The following SGCD variants were observed in gnomAD, a reference collection of about 807,000 sequenced individuals.
SGCD encodes sarcoglycan delta.
A neutral mutation model predicts 36.6 loss-of-function variants in SGCD; 18 were observed. That is an observed-to-expected ratio of 0.49 (90% CI 0.34 to 0.73). The LOEUF (loss-of-function observed/expected upper bound fraction) is 0.73. SGCD is among the 30% of genes least tolerant of loss of function. The probability of loss-of-function intolerance (pLI) is 0.01; values close to 1 mark genes in which losing one functional copy is unlikely to be tolerated. For synonymous variants in SGCD, 133 were observed against 130.6 expected (o/e 1.02, Z -0.12); for missense variants, 387 against 346.7 (o/e 1.12, Z -0.92).
intron 1 of SGCD, among the ~76,000 whole-genome samples, chr5:156,090,314 C>T (rs1389428654): frequency 3.3e-5 from 5 of 152,110 alleles, no homozygotes. Flanking sequence ...TTCTATTTTC[C>T]CTAAGTGTCA....
At chr5:156,453,764 G>C (rs1754129885) in intron 3 of SGCD, among the ~76,000 whole-genome samples, 1 of 152,076 alleles carries the variant, frequency 6.6e-6, no homozygotes. Context: ...CAAAAACTCT[G>C]GTACATCCAT....
chr5:156,387,164 A>G (rs1012545030), intron 3 of SGCD, among the ~76,000 whole-genome samples: 1 of 152,150 alleles, frequency 6.6e-6, no homozygotes, highest in African/African-American at 2.4e-5. Context: ...AGTGGGTAAC[A>G]CAGAAGCACA....
intron 3 of SGCD, among the ~76,000 whole-genome samples, chr5:156,125,589 T>A (rs1762151450): frequency 6.6e-6 from 1 of 152,102 alleles, no homozygotes; most frequent in African/African-American, 2.4e-5. Flanking sequence ...CTAGTCAGAA[T>A]AACTTTGTCT....
chr5:156,590,075 A>G (rs3797574), intron 5 of SGCD, among the ~76,000 whole-genome samples: 17,626 of 152,194 alleles, frequency 0.12, 1,441 homozygotes, highest in African/African-American at 0.23. Flanking sequence ...AAAGGAATGT[A>G]TGTATGAATG....
At chr5:156,611,632 C>T (rs983285391) in intron 6 of SGCD, among the ~76,000 whole-genome samples, 22 of 152,254 alleles carry the variant, frequency 1.4e-4, no homozygotes, top group South Asian at 4.1e-4. Flanking sequence ...TCTTTGTAGA[C>T]GTGGCGAGTT....
At chr5:155,736,786 T>C in the SGCD span, among the ~76,000 whole-genome samples, 22 of 152,330 alleles carry the variant, frequency 1.4e-4, no homozygotes, top group Admixed American at 1.2e-3. Flanking sequence ...GTTATGTACA[T>C]GTATTTTTCT....
At chr5:156,487,248 T>C (rs1300664016) in intron 3 of SGCD, among the ~76,000 whole-genome samples, 1 of 152,200 alleles carries the variant, frequency 6.6e-6, no homozygotes, top group Non-Finnish European at 1.5e-5. Flanking sequence ...CCATTCATTC[T>C]AATTAAAACT....
chr5:156,224,371 A>G (rs1420103376), intron 3 of SGCD, among the ~76,000 whole-genome samples: 1 of 152,168 alleles, frequency 6.6e-6, no homozygotes, highest in African/African-American at 2.4e-5. Flanking sequence ...TGGACAAAGC[A>G]TGAAGGGGAG....
intron 3 of SGCD, among the ~76,000 whole-genome samples, chr5:156,250,166 T>G (rs1453119993): frequency 6.6e-6 from 1 of 152,216 alleles, no homozygotes; most frequent in South Asian, 2.1e-4. Flanking sequence ...TTTGATTTCT[T>G]CTTTTTTGTC....
intron 3 of SGCD, among the ~76,000 whole-genome samples, chr5:156,289,213 T>G (rs1581221106): frequency 1.3e-5 from 2 of 152,142 alleles, no homozygotes; most frequent in Admixed American, 1.3e-4. Context: ...CTGAAAAAAT[T>G]TAGCATTAAG....
intron 4 of SGCD, among the ~76,000 whole-genome samples, chr5:156,562,336 C>T (rs949816596): frequency 6.6e-6 from 1 of 151,978 alleles, no homozygotes; most frequent in Non-Finnish European, 1.5e-5. Flanking sequence ...TGAGCAGTGG[C>T]CATTTAAGCA....
intron 1 of SGCD, among the ~76,000 whole-genome samples, chr5:155,903,352 C>G (rs1353328870): frequency 6.6e-6 from 1 of 152,154 alleles, no homozygotes; most frequent in East Asian, 1.9e-4. Flanking sequence ...TATAGCTGCT[C>G]TCATGGGGCA....
intron 7 of SGCD, among the ~76,000 whole-genome samples, chr5:156,720,959 T>G (rs1755466726): frequency 6.6e-6 from 1 of 152,138 alleles, no homozygotes. Context: ...CGAAAAGTGC[T>G]TAGATTTTGA....
intron 1 of SGCD, among the ~76,000 whole-genome samples, chr5:156,085,400 C>T (rs551330978): frequency 3.9e-5 from 6 of 152,120 alleles, no homozygotes; most frequent in African/African-American, 1.4e-4. Flanking sequence ...CAGTGTGGCA[C>T]CTCTCCCCAC....
chr5:156,296,935 C>T (rs1341273374), intron 3 of SGCD, among the ~76,000 whole-genome samples: 1 of 151,770 alleles, frequency 6.6e-6, no homozygotes, highest in Non-Finnish European at 1.5e-5. Flanking sequence ...TTTATATGCA[C>T]ATATATACAC....
rs1435759380 is a variant in SGCD at position 156,589,506 on chromosome 5, T to G, written c.382+188T>G. ...AATCCCATCCGTACACATATTAAAC[T>G]TATGAAATCTAATGATACCTACTTA... On this transcript the variant is annotated intron_variant, in intron 5 of 8. Transcript: ENST00000337851. Among the ~76,000 whole-genome samples, 4 of 152,300 alleles carry G rather than the reference T, an allele frequency of 2.6e-5. No homozygotes were observed. The East Asian group carries it at 7.7e-4, about 29-fold the overall frequency.
chr5:155,748,622 T>G, the SGCD span, among the ~76,000 whole-genome samples: 1 of 152,116 alleles, frequency 6.6e-6, no homozygotes, highest in Non-Finnish European at 1.5e-5. Context: ...TTCAACACAT[T>G]TTGAGGCTCT....
intron 1 of SGCD, among the ~76,000 whole-genome samples, chr5:155,904,361 T>A (rs1045285484): frequency 6.6e-6 from 1 of 152,180 alleles, no homozygotes; most frequent in Admixed American, 6.6e-5. Context: ...TGTGGCAAAA[T>A]ACACTGAACA....
chr5:156,172,785 G>T (rs940209321), intron 3 of SGCD, among the ~76,000 whole-genome samples: 4 of 151,742 alleles, frequency 2.6e-5, no homozygotes, highest in Admixed American at 6.6e-5. Context: ...ACTTGTAAGA[G>T]AATTTTATCA....
Sources: gnomAD v4.1 joint callset for allele counts (sites outside exome capture counted in the v4.1 genomes callset) on GRCh38, gnomAD v4.1.1 for gene constraint, MANE v1.5 for transcripts, NCBI Gene and HGNC (gene_info 2026-07-23, HGNC 2026-07-21) for gene names.